Variants in SLC25A53 observed in about 807,000 individuals in gnomAD.
SLC25A53 encodes solute carrier family 25 member 53.
In SLC25A53, 5 loss-of-function variants were observed where a neutral mutation model predicts 15.0. The ratio of observed to expected loss-of-function variants is 0.33; its 90% CI spans 0.17 to 0.70. The LOEUF (loss-of-function observed/expected upper bound fraction) is 0.70. Among genes scored for constraint, SLC25A53 ranks in the 30% least tolerant of loss-of-function variants. The pLI, the probability that SLC25A53 is intolerant of heterozygous loss-of-function variation, is 0.67. For missense variants in SLC25A53, 216 were observed against 241.6 expected, an observed-to-expected ratio of 0.89 and a Z score of 0.70; for synonymous variants, 95 against 100.0, an observed-to-expected ratio of 0.95 and a Z score of 0.30.
chrX:104,107,165 C>T (rs2075315730), intron 1 of SLC25A53, among the ~76,000 whole-genome samples: 1 of 111,358 alleles, frequency 9.0e-6, no homozygotes, highest in African/African-American at 3.3e-5. Flanking sequence ...CATTTCTATC[C>T]CCTTTGCTCC....
intron 1 of SLC25A53, among the ~76,000 whole-genome samples, chrX:104,149,387 A>C (rs1227667618): frequency 9.8e-5 from 11 of 112,710 alleles, no homozygotes; most frequent in African/African-American, 3.5e-4. Flanking sequence ...CTGGGGCCTC[A>C]CCTGGGAAAA....
intron 1 of SLC25A53, among the ~76,000 whole-genome samples, chrX:104,127,331 G>A (rs1225745426): frequency 8.9e-6 from 1 of 111,843 alleles, no homozygotes; most frequent in Non-Finnish European, 1.9e-5. Context: ...ATCATTGCCA[G>A]GGAGCAAGGA....
rs183249109 is a variant in SLC25A53, at chrX:104,100,995, A to T, written c.*3339T>A. 134 of 111,985 alleles carry T rather than the reference A, an allele frequency of 1.2e-3. 2 individuals carry two copies. Among genetic ancestry groups the T allele is most frequent in the African/African-American group, 4.1e-3 (127 of 30,804 alleles). 9.2% of individuals were successfully genotyped at this position (111,985 alleles called of 1,213,427 possible). ...ACAAGACTGTTCCCAGGCCCTTCAG[A>T]CACCAGTCGCAAATCCAAGCCTCCA... On this transcript the variant is annotated 3_prime_UTR_variant, in exon 2 of 2. Transcript: ENST00000594199.
At chrX:104,152,999 G>A (rs1052236087) in intron 1 of SLC25A53, among the ~76,000 whole-genome samples, 41 of 111,353 alleles carry the variant, frequency 3.7e-4, no homozygotes, top group African/African-American at 1.2e-3. Flanking sequence ...GGTCATGGGA[G>A]GGGGTTTGAA....
intron 1 of SLC25A53, among the ~76,000 whole-genome samples, chrX:104,151,229 A>G (rs1556370301): frequency 9.0e-6 from 1 of 111,553 alleles, no homozygotes; most frequent in Non-Finnish European, 1.9e-5. Context: ...TCCCCAGCAC[A>G]GTCACAGGAC....
At chrX:104,149,179 T>C (rs1367924092) in intron 1 of SLC25A53, among the ~76,000 whole-genome samples, 1 of 112,451 alleles carries the variant, frequency 8.9e-6, no homozygotes, top group African/African-American at 3.2e-5. Context: ...CTACCAACTA[T>C]TTGCCTTCCT....
chrX:104,155,960 G>T (rs2075499399), intron 1 of SLC25A53, among the ~76,000 whole-genome samples: 1 of 107,577 alleles, frequency 9.3e-6, no homozygotes, highest in Admixed American at 1.0e-4. Flanking sequence ...GCTGAGGCAG[G>T]AGAATCACTT....
At chrX:104,118,273 G>C (rs1209723959) in intron 1 of SLC25A53, among the ~76,000 whole-genome samples, 4 of 111,425 alleles carry the variant, frequency 3.6e-5, no homozygotes, top group African/African-American at 1.3e-4. Flanking sequence ...GTCTTGTCAG[G>C]AGAAACCAGC....
intron 1 of SLC25A53, among the ~76,000 whole-genome samples, chrX:104,128,467 G>A (rs2075417092): frequency 8.9e-6 from 1 of 111,782 alleles, no homozygotes; most frequent in South Asian, 3.7e-4. Flanking sequence ...TCTCTTAAAT[G>A]TCTGCCTCAG....
intron 1 of SLC25A53, among the ~76,000 whole-genome samples, chrX:104,147,584 G>A: frequency 9.7e-6 from 1 of 102,980 alleles, no homozygotes. Context: ...AATGTACAAT[G>A]AACTCAAACA....
chrX:104,153,030 T>A (rs1765263845), intron 1 of SLC25A53, among the ~76,000 whole-genome samples: 1 of 111,198 alleles, frequency 9.0e-6, no homozygotes, highest in South Asian at 3.8e-4. Flanking sequence ...AACTGTGGAC[T>A]GCCACCCTCC....
intron 1 of SLC25A53, among the ~76,000 whole-genome samples, chrX:104,120,377 T>G (rs1476677906): frequency 8.9e-6 from 1 of 112,187 alleles, no homozygotes; most frequent in Non-Finnish European, 1.9e-5. Context: ...ACACTTGACA[T>G]TGTCAACAAA....
chrX:104,155,287 TTTA>T (rs1457249604), intron 1 of SLC25A53, among the ~76,000 whole-genome samples: 1 of 110,415 alleles, frequency 9.1e-6, no homozygotes, highest in East Asian at 2.8e-4. Context: ...TTCTTTCCAA[TTTA>T]TTGTCAGCTC....
intron 1 of SLC25A53, among the ~76,000 whole-genome samples, chrX:104,117,607 C>T (rs1011071430): frequency 9.0e-6 from 1 of 110,543 alleles, no homozygotes; most frequent in Admixed American, 9.7e-5. Context: ...CCACCACCCA[C>T]GCAGGAGGCA....
intron 1 of SLC25A53, among the ~76,000 whole-genome samples, chrX:104,126,126 A>G (rs934529314): frequency 1.8e-5 from 2 of 108,951 alleles, no homozygotes; most frequent in African/African-American, 6.7e-5. Flanking sequence ...AGGTAACATT[A>G]CAAGACCCAG....
intron 1 of SLC25A53, chrX:104,114,282 G>C (rs782276878): frequency 4.1e-5 from 50 of 1,208,784 alleles, no homozygotes; most frequent in Non-Finnish European, 5.6e-5. Context: ...CAGCCCAGGG[G>C]AAAGAAACCT....
At chrX:104,137,315 G>A (rs1328974484) in intron 1 of SLC25A53, among the ~76,000 whole-genome samples, 3 of 111,308 alleles carry the variant, frequency 2.7e-5, no homozygotes, top group Non-Finnish European at 5.7e-5. Context: ...TCAGGTAGTA[G>A]AATCTCCTAG....
intron 1 of SLC25A53, among the ~76,000 whole-genome samples, chrX:104,119,736 T>C (rs1235578370): frequency 9.0e-6 from 1 of 111,312 alleles, no homozygotes; most frequent in Non-Finnish European, 1.9e-5. Context: ...AATTTACAGC[T>C]TAACAAATTA....
At chrX:104,143,297 A>G (rs1195852701) in intron 1 of SLC25A53, among the ~76,000 whole-genome samples, 1 of 111,228 alleles carries the variant, frequency 9.0e-6, no homozygotes, top group Non-Finnish European at 1.9e-5. Context: ...GTAATAACGA[A>G]CTCCTCCAAG....
Sources: allele counts gnomAD v4.1 joint callset (sites outside exome capture counted in the v4.1 genomes callset), GRCh38; gene constraint gnomAD v4.1.1; transcripts MANE v1.5; gene names NCBI Gene and HGNC (gene_info 2026-07-23, HGNC 2026-07-21).